ASB15: variants seen among roughly 807,000 people sequenced by gnomAD.
ASB15 encodes the protein ankyrin repeat and SOCS box containing 15.
Under a neutral mutation model 58.0 loss-of-function variants are expected in ASB15, and 54 were observed. The observed-to-expected ratio is 0.93, with a 90% CI of 0.75 to 1.17. ASB15 has a LOEUF of 1.17. Ranked by LOEUF, ASB15 falls within the 50% of genes most tolerant of loss-of-function variation. The pLI, the probability that ASB15 is intolerant of heterozygous loss-of-function variation, is 0.00. For synonymous variants in ASB15, 249 were observed against 262.4 expected (o/e 0.95, Z 0.50); for missense variants, 680 against 707.4 (o/e 0.96, Z 0.44).
At chr7:123,572,382 G>C (rs1004118046) in intron 1 of ASB15, among the ~76,000 whole-genome samples, 1 of 151,192 alleles carries the variant, frequency 6.6e-6, no homozygotes, top group South Asian at 2.1e-4. Context: ...CTCATGATCC[G>C]CCCGCCTCAG....
intron 5 of ASB15, 30 bp from the exon 6 acceptor site, chr7:123,616,334 A>T (rs1240402238): frequency 6.2e-7 from 1 of 1,610,210 alleles, no homozygotes; most frequent in Non-Finnish European, 8.5e-7. Flanking sequence ...AAAAACAGAG[A>T]TTAGTCATCA....
chr7:123,608,761 A>G (rs1800277616), intron 3 of ASB15, 107 bp downstream of exon 3: 1 of 152,188 alleles, frequency 6.6e-6, no homozygotes, highest in Admixed American at 6.5e-5. Flanking sequence ...AATCATCCTA[A>G]CGAATCCATT....
At chr7:123,568,027 A>T (rs1387342322) in intron 1 of ASB15, among the ~76,000 whole-genome samples, 2 of 152,148 alleles carry the variant, frequency 1.3e-5, no homozygotes, top group East Asian at 3.9e-4. Flanking sequence ...GTTTTCAGAT[A>T]TGTTGATTTT....
At chr7:123,581,784 A>G (rs1799239952) in intron 1 of ASB15, among the ~76,000 whole-genome samples, 1 of 151,948 alleles carries the variant, frequency 6.6e-6, no homozygotes, top group South Asian at 2.1e-4. Flanking sequence ...AATATATCAC[A>G]TATGTTTGTA....
In ASB15 at chr7:123,630,020, C is replaced by T. The variant is rs1477292832; in HGVS notation, c.1495C>T (p.Arg499Cys). Residue 499 changes from arginine (R) to cysteine (C), a missense_variant, in exon 11 of 12, where the codon CGT becomes TGT. Transcript: ENST00000451215. ...WMKHLVGRVT[R>C]VLIDYMDYVP... ...GAAGCACTTGGTAGGCAGAGTTACTCGTGTACTAATAGATTACATGGATTA... is the reference window on the plus strand; with the variant it reads ...GAAGCACTTGGTAGGCAGAGTTACTTGTGTACTAATAGATTACATGGATTA... 5.0e-6 allele frequency: 8 copies of T among 1,602,408 alleles called. No homozygotes were observed. The East Asian group carries it at 6.7e-5, about 13-fold the overall frequency.
At chr7:123,599,863 C>A (rs1248997891), upstream of ASB15, among the ~76,000 whole-genome samples, 1 of 152,172 alleles carries the variant, frequency 6.6e-6, no homozygotes, top group Admixed American at 6.5e-5. Flanking sequence ...ACTGTTAAAT[C>A]TGACCCCTCC....
chr7:123,634,050 T>C (rs2116681687), intron 11 of ASB15, among the ~76,000 whole-genome samples: 1 of 152,288 alleles, frequency 6.6e-6, no homozygotes, highest in Non-Finnish European at 1.5e-5. Flanking sequence ...CTTCAACTTG[T>C]ATTTTAAGTT....
intron 1 of ASB15, among the ~76,000 whole-genome samples, chr7:123,594,510 T>A (rs1799637972): frequency 6.6e-6 from 1 of 152,194 alleles, no homozygotes; most frequent in Admixed American, 6.5e-5. Flanking sequence ...CCTTTCTGTT[T>A]GTTAGTTTTC....
intron 3 of ASB15, among the ~76,000 whole-genome samples, chr7:123,613,482 G>A (rs1800591565): frequency 6.6e-6 from 1 of 152,116 alleles, no homozygotes; most frequent in Non-Finnish European, 1.5e-5. Context: ...CAATAGTAAA[G>A]AGTAAAATAG....
At chr7:123,569,668 GA>G (rs1798853121) in intron 1 of ASB15, among the ~76,000 whole-genome samples, 1 of 152,172 alleles carries the variant, frequency 6.6e-6, no homozygotes. Flanking sequence ...AGCTGAACAA[GA>G]AGATGAACCC....
chr7:123,635,583 CTTTTTT>C (rs5887149), intron 11 of ASB15, among the ~76,000 whole-genome samples: 84 of 81,718 alleles, frequency 1.0e-3, no homozygotes, highest in African/African-American at 3.9e-3. Context: ...AAATTAATTG[CTTTTTT>C]TTTTTTTTTT....
intron 7 of ASB15, among the ~76,000 whole-genome samples, chr7:123,619,083 T>C (rs6956834): frequency 2.7e-5 from 4 of 147,254 alleles, no homozygotes; most frequent in African/African-American, 1.0e-4. Flanking sequence ...GGGAGGCTGA[T>C]GCAGGAGAAT....
At chr7:123,615,837 T>G (rs920631970) in intron 4 of ASB15, among the ~76,000 whole-genome samples, 3 of 152,174 alleles carry the variant, frequency 2.0e-5, no homozygotes, top group Admixed American at 6.6e-5. Context: ...AATTCCATCA[T>G]TTTGCAGATG....
At chr7:123,571,023 T>C (rs1247596740) in intron 1 of ASB15, among the ~76,000 whole-genome samples, 2 of 152,164 alleles carry the variant, frequency 1.3e-5, no homozygotes, top group African/African-American at 4.8e-5. Context: ...CTGACAGTGG[T>C]TCAAGAACCC....
intron 7 of ASB15, among the ~76,000 whole-genome samples, chr7:123,620,495 CACATATACAT>C (rs1285970138): frequency 8.5e-4 from 76 of 89,828 alleles, no homozygotes; most frequent in Non-Finnish European, 1.4e-3. Context: ...AGTAATGTGA[CACATATACAT>C]ACATATATAT....
intron 11 of ASB15, among the ~76,000 whole-genome samples, chr7:123,633,643 G>C (rs577839668): frequency 6.6e-6 from 1 of 152,146 alleles, no homozygotes; most frequent in East Asian, 1.9e-4. Context: ...GCACGCGCGC[G>C]CACGTGCGTC....
intron 1 of ASB15, among the ~76,000 whole-genome samples, chr7:123,572,092 G>A (rs1798922425): frequency 8.3e-6 from 1 of 120,926 alleles, no homozygotes; most frequent in African/African-American, 3.1e-5. Flanking sequence ...CAGACCAGTT[G>A]TCTTGTTTTA....
At chr7:123,574,665 T>G (rs1013690877) in intron 1 of ASB15, among the ~76,000 whole-genome samples, 1 of 152,298 alleles carries the variant, frequency 6.6e-6, no homozygotes, top group South Asian at 2.1e-4. Context: ...CTCATTCTAC[T>G]TGCCAATTCC....
upstream of ASB15, among the ~76,000 whole-genome samples, chr7:123,597,502 G>C (rs926598688): frequency 2.0e-5 from 3 of 152,130 alleles, no homozygotes; most frequent in Non-Finnish European, 4.4e-5. Flanking sequence ...TGTATTATTT[G>C]TGTTTCCAGG....
Sources: gnomAD v4.1 joint callset for allele counts (sites outside exome capture counted in the v4.1 genomes callset) on GRCh38, gnomAD v4.1.1 for gene constraint, MANE v1.5 for transcripts, NCBI Gene and HGNC (gene_info 2026-07-23, HGNC 2026-07-21) for gene names.